LTBP1: variants seen among roughly 807,000 people sequenced by gnomAD.
The protein encoded by LTBP1 is latent-transforming growth factor beta-binding protein 1.
In LTBP1, 129 loss-of-function variants were observed where a neutral mutation model predicts 207.6. That is an observed-to-expected ratio of 0.62 (90% CI 0.54 to 0.72). The LOEUF is 0.72. LTBP1 is among the 30% of genes least tolerant of loss of function. LTBP1 has a pLI of 0.00. For synonymous variants in LTBP1, 963 were observed against 833.7 expected, an observed-to-expected ratio of 1.16 and a Z score of -2.67; for missense variants, 2,281 against 2,217.2, an observed-to-expected ratio of 1.03 and a Z score of -0.58.
At chr2:33,139,240 A>C (rs1286652602) in intron 5 of LTBP1, among the ~76,000 whole-genome samples, 1 of 152,198 alleles carries the variant, frequency 6.6e-6, no homozygotes, top group Non-Finnish European at 1.5e-5. Flanking sequence ...GGCAAATATG[A>C]GCCCTGTTGC....
At chr2:33,395,123 C>G (rs2095347258) in intron 32 of LTBP1, among the ~76,000 whole-genome samples, 1 of 152,102 alleles carries the variant, frequency 6.6e-6, no homozygotes, top group Non-Finnish European at 1.5e-5. Context: ...TCATTCATTA[C>G]AAAATACTTC....
intron 3 of LTBP1, among the ~76,000 whole-genome samples, chr2:33,049,208 A>C (rs2076601763): frequency 6.6e-6 from 1 of 152,222 alleles, no homozygotes; most frequent in Admixed American, 6.5e-5. Context: ...AAATATTGGA[A>C]ACAAACTAAA....
intron 3 of LTBP1, among the ~76,000 whole-genome samples, chr2:33,075,352 C>A (rs2149795709): frequency 6.6e-6 from 1 of 152,168 alleles, no homozygotes; most frequent in South Asian, 2.1e-4. Flanking sequence ...TGGGGGGCAA[C>A]ATTTTCTAAA....
intron 5 of LTBP1, among the ~76,000 whole-genome samples, chr2:33,174,848 C>G (rs898455157): frequency 1.1e-4 from 17 of 151,800 alleles, no homozygotes; most frequent in Admixed American, 4.6e-4. Context: ...TCAGAAATAA[C>G]GCCGCATATC....
chr2:33,355,332 C>G (rs537689769), intron 26 of LTBP1, among the ~76,000 whole-genome samples: 1 of 152,122 alleles, frequency 6.6e-6, no homozygotes, highest in South Asian at 2.1e-4. Context: ...CCACTGATAC[C>G]AAAATCCACA....
At chr2:33,110,119 T>C (rs2080308326) in intron 3 of LTBP1, among the ~76,000 whole-genome samples, 1 of 152,224 alleles carries the variant, frequency 6.6e-6, no homozygotes, top group Non-Finnish European at 1.5e-5. Context: ...AGATGGGGTC[T>C]CACTCTTGTC....
intron 2 of LTBP1, among the ~76,000 whole-genome samples, chr2:32,973,496 G>A (rs1007939939): frequency 6.6e-6 from 1 of 152,084 alleles, no homozygotes; most frequent in Non-Finnish European, 1.5e-5. Flanking sequence ...CACATAAGAT[G>A]CCATGATATA....
rs74443139 is a variant in LTBP1 at position 33,357,386 on chromosome 2, A to G, written c.4001-3211A>G. Among the ~76,000 whole-genome samples the G allele has an allele frequency of 8.2e-3, 1,246 of 152,310 alleles. 11 individuals are homozygous for G. Among genetic ancestry groups the G allele is most frequent in the African/African-American group, 0.029 (1,198 of 41,564 alleles). On this transcript the variant is annotated intron_variant, in intron 26 of 33. Transcript: ENST00000404816. ...CTCTTCCCATTTATCTCAAAGATGA[A>G]AAAACACAGAGAATAAAGGGCAAAG...
intron 2 of LTBP1, among the ~76,000 whole-genome samples, chr2:32,992,967 A>G (rs1185947350): frequency 2.6e-5 from 4 of 152,044 alleles, no homozygotes; most frequent in Admixed American, 6.5e-5. Flanking sequence ...GAGGAAGAGG[A>G]GAAGTCACCC....
chr2:33,238,026 G>A (rs995878693), intron 9 of LTBP1, among the ~76,000 whole-genome samples: 1 of 135,214 alleles, frequency 7.4e-6, no homozygotes, highest in South Asian at 2.2e-4. Flanking sequence ...GTGCAAAGTT[G>A]TTCTTTGGAA....
intron 21 of LTBP1, 59 bp from the exon 22 acceptor site, chr2:33,301,463 G>C: frequency 1.3e-6 from 2 of 1,507,002 alleles, no homozygotes; most frequent in Non-Finnish European, 8.9e-7. Flanking sequence ...AATTGAGACT[G>C]ATTGAAAATG....
At chr2:33,342,563 G>A (rs2094641612) in intron 24 of LTBP1, among the ~76,000 whole-genome samples, 1 of 152,182 alleles carries the variant, frequency 6.6e-6, no homozygotes, top group Non-Finnish European at 1.5e-5. Context: ...ACTGGGCGTG[G>A]CACTTGCAGC....
chr2:33,041,122 A>G (rs1280014192), intron 3 of LTBP1, among the ~76,000 whole-genome samples: 1 of 151,892 alleles, frequency 6.6e-6, no homozygotes, highest in Non-Finnish European at 1.5e-5. Context: ...TGTGACCTCA[A>G]AGAATGATTA....
At chr2:33,268,643 CTT>C (rs145321578) in intron 15 of LTBP1, among the ~76,000 whole-genome samples, 1 of 152,304 alleles carries the variant, frequency 6.6e-6, no homozygotes, top group East Asian at 1.9e-4. Context: ...AGCATAGTGT[CTT>C]AATAGCTAAA....
intron 7 of LTBP1, among the ~76,000 whole-genome samples, chr2:33,201,822 T>C (rs7423390): frequency 0.54 from 82,435 of 151,924 alleles, 22,520 homozygotes; most frequent in Middle Eastern, 0.61. Context: ...ATAATAAGCC[T>C]TAGGGCAAAA....
At chr2:33,370,382 G>T (rs79278460) in intron 31 of LTBP1, among the ~76,000 whole-genome samples, 2,285 of 152,262 alleles carry the variant, frequency 0.015, 133 homozygotes, top group Admixed American at 0.12. Flanking sequence ...GGGCATGTCA[G>T]TTACCTGGGG....
intron 31 of LTBP1, among the ~76,000 whole-genome samples, chr2:33,369,249 A>G (rs1166267723): frequency 6.6e-6 from 1 of 152,202 alleles, no homozygotes; most frequent in Non-Finnish European, 1.5e-5. Context: ...TTGTATATCC[A>G]CAGTTATTAT....
At chr2:33,175,583 G>A (rs1002993712) in intron 5 of LTBP1, among the ~76,000 whole-genome samples, 1 of 152,218 alleles carries the variant, frequency 6.6e-6, no homozygotes, top group Non-Finnish European at 1.5e-5. Flanking sequence ...AACCATTGTG[G>A]AAGTCAGTGT....
chr2:33,293,092 A>C, intron 19 of LTBP1, 68 bp from the exon 20 acceptor site: 1 of 1,525,784 alleles, frequency 6.6e-7, no homozygotes, highest in Non-Finnish European at 8.9e-7. Flanking sequence ...TTTCTAACCA[A>C]ATTTAACTTT....
Sources: allele counts gnomAD v4.1 joint callset (sites outside exome capture counted in the v4.1 genomes callset), GRCh38; gene constraint gnomAD v4.1.1; transcripts MANE v1.5; gene names NCBI Gene and HGNC (gene_info 2026-07-23, HGNC 2026-07-21).